Variants in NSG2 observed in about 807,000 individuals in gnomAD.
NSG2 encodes neuronal vesicle trafficking associated 2, also known as neuronal vesicle trafficking-associated protein 2.
NSG2 carries 4 observed loss-of-function variants against 16.9 expected under a neutral mutation model. The ratio of observed to expected loss-of-function variants is 0.24; its 90% CI spans 0.12 to 0.54. The LOEUF is 0.54. Ranked by LOEUF, NSG2 falls within the 20% of genes least tolerant of loss-of-function variation. The pLI, the probability that NSG2 is intolerant of heterozygous loss-of-function variation, is 0.95. For synonymous variants in NSG2, 98 were observed against 88.7 expected (o/e 1.11, Z -0.59); for missense variants, 179 against 221.1 (o/e 0.81, Z 1.21).
intron 2 of NSG2, chr5:174,056,116 C>G (rs1759964583): frequency 6.6e-6 from 1 of 152,144 alleles, no homozygotes; most frequent in African/African-American, 2.4e-5. Context: ...TTATGGCCTC[C>G]CTATTGTGTC....
intron 2 of NSG2, among the ~76,000 whole-genome samples, chr5:174,059,973 C>A (rs781335196): frequency 2.0e-5 from 3 of 152,002 alleles, no homozygotes; most frequent in African/African-American, 7.3e-5. Context: ...GATGGTATGC[C>A]CTGATTGGCT....
chr5:174,101,141 A>G (rs903553050), intron 3 of NSG2, among the ~76,000 whole-genome samples: 4 of 152,222 alleles, frequency 2.6e-5, no homozygotes, highest in African/African-American at 7.2e-5. Context: ...GGCTGGGCCC[A>G]GGTGTGTTCT....
At chr5:174,076,675 C>G (rs1414729950) in intron 3 of NSG2, among the ~76,000 whole-genome samples, 4 of 152,136 alleles carry the variant, frequency 2.6e-5, no homozygotes, top group African/African-American at 7.2e-5. Context: ...GAGTTCATCC[C>G]CAAGAGGCCT....
chr5:174,050,531 T>G (rs1759870781), intron 2 of NSG2, among the ~76,000 whole-genome samples: 1 of 152,138 alleles, frequency 6.6e-6, no homozygotes. Flanking sequence ...CTGCCTAAAC[T>G]TTACAGATGA....
chr5:174,058,424 C>G (rs1297291347), intron 2 of NSG2, among the ~76,000 whole-genome samples: 1 of 152,098 alleles, frequency 6.6e-6, no homozygotes, highest in Non-Finnish European at 1.5e-5. Flanking sequence ...GAGCGAGACT[C>G]TGTAAAAAAC....
At chr5:174,061,944 T>G (rs1027395077) in intron 2 of NSG2, among the ~76,000 whole-genome samples, 7 of 144,650 alleles carry the variant, frequency 4.8e-5, no homozygotes, top group Non-Finnish European at 7.5e-5. Flanking sequence ...GCAGGGAAGT[T>G]GGGGGCATTC....
In NSG2 at chr5:174,049,735, C is replaced by T. The variant is rs574084291; in HGVS notation, c.129+2851C>T. ...CAACCTCAGCCACTGACCCACAGTG[C>T]GCTCCATTCCCCTCTCTTAGGTCTG... On this transcript the variant is annotated intron_variant, in intron 2 of 4. Transcript: ENST00000303177. Among the ~76,000 whole-genome samples the T allele has an allele frequency of 1.8e-4, 28 of 152,274 alleles. No homozygotes were observed. The South Asian group carries it at 5.2e-3, about 28-fold the overall frequency.
intron 3 of NSG2, among the ~76,000 whole-genome samples, chr5:174,095,196 A>G (rs968367695): frequency 6.6e-6 from 1 of 152,136 alleles, no homozygotes; most frequent in Non-Finnish European, 1.5e-5. Context: ...GGCAGACAAT[A>G]TGGGGGAAGA....
At chr5:174,093,885 G>A (rs909119031) in intron 3 of NSG2, among the ~76,000 whole-genome samples, 2 of 152,200 alleles carry the variant, frequency 1.3e-5, no homozygotes, top group Non-Finnish European at 2.9e-5. Context: ...TTCCTGACAT[G>A]ATGAGGGTCC....
intron 3 of NSG2, among the ~76,000 whole-genome samples, chr5:174,083,936 G>T (rs1329393367): frequency 1.3e-5 from 2 of 152,238 alleles, no homozygotes; most frequent in Non-Finnish European, 2.9e-5. Context: ...ACATGCGTTA[G>T]ATAGGGGCCA....
At chr5:174,104,400 C>A (rs1231448796) in intron 4 of NSG2, 62 bp downstream of exon 4, 10 of 1,132,968 alleles carry the variant, frequency 8.8e-6, no homozygotes, top group Non-Finnish European at 1.3e-5. Flanking sequence ...TGATCAATGT[C>A]TTCTCTTCAC....
At chr5:174,097,401 G>T (rs1760814491) in intron 3 of NSG2, among the ~76,000 whole-genome samples, 2 of 151,638 alleles carry the variant, frequency 1.3e-5, no homozygotes, top group African/African-American at 2.4e-5. Flanking sequence ...CACTACACCT[G>T]CACACGGCAC....
intron 2 of NSG2, among the ~76,000 whole-genome samples, chr5:174,060,468 G>C (rs1760032581): frequency 6.6e-6 from 1 of 152,136 alleles, no homozygotes; most frequent in South Asian, 2.1e-4. Flanking sequence ...ATCTAGAAAG[G>C]AAGGGATCAA....
chr5:174,095,910 T>G (rs1386291575), intron 3 of NSG2, among the ~76,000 whole-genome samples: 1 of 152,206 alleles, frequency 6.6e-6, no homozygotes, highest in Non-Finnish European at 1.5e-5. Flanking sequence ...TAATAATTAG[T>G]GAATAAAATA....
intron 2 of NSG2, among the ~76,000 whole-genome samples, chr5:174,062,831 T>G (rs1760074914): frequency 6.6e-6 from 1 of 152,228 alleles, no homozygotes; most frequent in Non-Finnish European, 1.5e-5. Context: ...TTAAAGGACA[T>G]TCTTCATAGA....
At chr5:174,093,555 C>G (rs1326653270) in intron 3 of NSG2, among the ~76,000 whole-genome samples, 1 of 152,204 alleles carries the variant, frequency 6.6e-6, no homozygotes, top group Non-Finnish European at 1.5e-5. Flanking sequence ...ACCCAGGTGT[C>G]ATCTGGGCAG....
At chr5:174,050,757 G>A (rs1236696495) in intron 2 of NSG2, among the ~76,000 whole-genome samples, 2 of 152,176 alleles carry the variant, frequency 1.3e-5, no homozygotes, top group Non-Finnish European at 1.5e-5. Flanking sequence ...AACACCAGAG[G>A]CCCCAGTGCT....
At chr5:174,106,583 CTTTTTTTTTTTTT>C (rs752375646) in intron 4 of NSG2, among the ~76,000 whole-genome samples, 3 of 93,468 alleles carry the variant, frequency 3.2e-5, no homozygotes, top group African/African-American at 8.5e-5. Flanking sequence ...GGAATGAAGC[CTTTTTTTTTTTTT>C]TTTTTTTTTT....
chr5:174,071,152 T>C (rs1274419526), intron 3 of NSG2, among the ~76,000 whole-genome samples: 3 of 152,130 alleles, frequency 2.0e-5, no homozygotes, highest in African/African-American at 7.2e-5. Context: ...AGCTCACCAT[T>C]CTCTCATTAA....
Sources: gnomAD v4.1 joint callset for allele counts (sites outside exome capture counted in the v4.1 genomes callset) on GRCh38, gnomAD v4.1.1 for gene constraint, MANE v1.5 for transcripts, NCBI Gene and HGNC (gene_info 2026-07-23, HGNC 2026-07-21) for gene names.